The following KCNK1 variants were observed in gnomAD, a reference collection of about 807,000 sequenced individuals.
KCNK1 encodes potassium channel subfamily K member 1.
A neutral mutation model predicts 22.2 loss-of-function variants in KCNK1; 10 were observed. The ratio of observed to expected loss-of-function variants is 0.45; its 90% CI spans 0.28 to 0.76. KCNK1 has a LOEUF of 0.76. Ranked by LOEUF, KCNK1 falls within the 30% of genes least tolerant of loss-of-function variation. The probability of loss-of-function intolerance (pLI) is 0.14; values close to 1 mark genes in which losing one functional copy is unlikely to be tolerated. For synonymous variants in KCNK1, 200 were observed against 186.4 expected, an observed-to-expected ratio of 1.07 and a Z score of -0.60; for missense variants, 378 against 421.0, an observed-to-expected ratio of 0.90 and a Z score of 0.89.
At chr1:233,670,461 AAAAG>A (rs1658577783) in intron 2 of KCNK1, among the ~76,000 whole-genome samples, 1 of 152,330 alleles carries the variant, frequency 6.6e-6, no homozygotes, top group African/African-American at 2.4e-5. Context: ...GACAATTTAC[AAAAG>A]AAAGAGGTTT....
At chr1:233,630,494 C>T (rs1657772118) in intron 1 of KCNK1, 1 of 152,142 alleles carries the variant, frequency 6.6e-6, no homozygotes, top group South Asian at 2.1e-4. Context: ...TTAATATTTT[C>T]ATTTTTGCTC....
intron 1 of KCNK1, among the ~76,000 whole-genome samples, chr1:233,646,662 G>A (rs1298064935): frequency 3.3e-5 from 5 of 152,166 alleles, no homozygotes; most frequent in South Asian, 4.2e-4. Context: ...ATGTGGTGGG[G>A]TCACCAAGAA....
Position 233,661,573 on chromosome 1 carries a change from T to C in KCNK1, c.356-5022T>C, listed in dbSNP as rs141532005. Among the ~76,000 whole-genome samples the C allele has an allele frequency of 2.0e-4, 31 of 152,344 alleles. No individual in the cohort carries two copies. The East Asian group carries it at 5.8e-3, about 28-fold the overall frequency. On this transcript the variant is annotated intron_variant, in intron 1 of 2. Transcript: ENST00000366621. ...TGACCTCTTACCATCTGTGCCTCCTTGGTCGCGTGTATTGACTGTAGCCCA... is the reference window on the plus strand; with the variant it reads ...TGACCTCTTACCATCTGTGCCTCCTCGGTCGCGTGTATTGACTGTAGCCCA...
Position 233,671,398 on chromosome 1 carries a change from C to T in KCNK1, c.879C>T (p.Ile293=). The T allele has an allele frequency of 6.2e-7, 1 of 1,614,166 alleles. No individual in the cohort carries two copies. Among genetic ancestry groups the T allele is most frequent in the Non-Finnish European group, 8.5e-7 (1 of 1,180,028 alleles). ...KKDKDEDQVH[I]IEHDQLSFSS... The stretch of plus-strand genomic sequence containing the variant: ...ACAAGGACGAGGATCAGGTGCACAT[C>T]ATAGAGCATGACCAACTGTCCTTCT... Residue 293 remains isoleucine (I), a synonymous_variant, in exon 3 of 3, where the codon ATC becomes ATT. Transcript: ENST00000366621.
At chr1:233,621,282 G>A (rs188102546) in intron 1 of KCNK1, among the ~76,000 whole-genome samples, 18 of 152,352 alleles carry the variant, frequency 1.2e-4, no homozygotes, top group Admixed American at 1.0e-3. Context: ...GAAGCTTGCA[G>A]ACACATTGAT....
intron 1 of KCNK1, among the ~76,000 whole-genome samples, chr1:233,626,711 T>G (rs536954482): frequency 1.4e-4 from 22 of 152,268 alleles, no homozygotes; most frequent in African/African-American, 5.3e-4. Flanking sequence ...GTTAAATACT[T>G]CCAGGCTAAG....
intron 1 of KCNK1, among the ~76,000 whole-genome samples, 177 bp from the exon 2 acceptor site, chr1:233,666,418 T>A (rs1433404279): frequency 1.3e-5 from 2 of 152,238 alleles, no homozygotes; most frequent in African/African-American, 2.4e-5. Context: ...GTGACCACTG[T>A]TGAATTTTAC....
intron 1 of KCNK1, among the ~76,000 whole-genome samples, chr1:233,632,224 A>G (rs1273695011): frequency 6.6e-6 from 1 of 152,180 alleles, no homozygotes; most frequent in African/African-American, 2.4e-5. Flanking sequence ...GCTTAAGTTA[A>G]TGATTTCTTT....
chr1:233,620,539 A>AC (rs1657564252), intron 1 of KCNK1, among the ~76,000 whole-genome samples: 1 of 152,164 alleles, frequency 6.6e-6, no homozygotes, highest in Non-Finnish European at 1.5e-5. Context: ...GACAGTCTAC[A>AC]CTTCACATTG....
chr1:233,650,589 G>A (rs182084354), intron 1 of KCNK1, among the ~76,000 whole-genome samples: 163 of 152,180 alleles, frequency 1.1e-3, no homozygotes, highest in African/African-American at 3.6e-3. Context: ...TATGTGCAGC[G>A]TCTGTACTAA....
At chr1:233,620,078 A>G (rs919313806) in intron 1 of KCNK1, among the ~76,000 whole-genome samples, 5 of 152,208 alleles carry the variant, frequency 3.3e-5, no homozygotes, top group Admixed American at 1.3e-4. Context: ...AGAAAAAGAA[A>G]AAGAATGTTT....
intron 1 of KCNK1, among the ~76,000 whole-genome samples, chr1:233,662,271 T>TCTTCTTCTTCTTCTC (rs1553267164): frequency 1.6e-4 from 11 of 67,180 alleles, no homozygotes; most frequent in Admixed American, 4.0e-4. Flanking sequence ...TTCTTCTTCT[T>TCTTCTTCTTCTTCTC]CTCCTCCTCC....
At chr1:233,615,943 T>C (rs752768063) in intron 1 of KCNK1, among the ~76,000 whole-genome samples, 47 of 152,212 alleles carry the variant, frequency 3.1e-4, no homozygotes, top group African/African-American at 1.0e-3. Context: ...TTGTGAGATC[T>C]AAAAAACTGT....
chr1:233,667,637 G>A (rs949014859), intron 2 of KCNK1, among the ~76,000 whole-genome samples: 7 of 148,846 alleles, frequency 4.7e-5, no homozygotes, highest in Non-Finnish European at 8.9e-5. Context: ...GGCTGAGGCA[G>A]GAGAATGGCG....
rs1193345677 is a variant in KCNK1 at position 233,653,789 on chromosome 1, G to A, written c.356-12806G>A. ...AGGGACTTGCTGGCTTCCGTAATTGGATAAGCCAATTCCCATAATAAATCT... is the reference window on the plus strand; with the variant it reads ...AGGGACTTGCTGGCTTCCGTAATTGAATAAGCCAATTCCCATAATAAATCT... On this transcript the variant is annotated intron_variant, in intron 1 of 2. Transcript: ENST00000366621. Among the ~76,000 whole-genome samples, 5 of 152,064 alleles carry A rather than the reference G, an allele frequency of 3.3e-5. 1 individual carries two copies. The highest frequency in any genetic ancestry group is 2.6e-4 in the Admixed American group (4 of 15,270).
At chr1:233,658,570 A>G (rs1658339998) in intron 1 of KCNK1, among the ~76,000 whole-genome samples, 2 of 152,248 alleles carry the variant, frequency 1.3e-5, no homozygotes, top group African/African-American at 2.4e-5. Flanking sequence ...ATGAGACTAC[A>G]GTCAAGCGTC....
intron 1 of KCNK1, among the ~76,000 whole-genome samples, chr1:233,620,734 T>G (rs2102881576): frequency 6.6e-6 from 1 of 152,304 alleles, no homozygotes; most frequent in Admixed American, 6.5e-5. Context: ...GAAGTTTTAA[T>G]TATCTGGTTT....
chr1:233,667,790 T>A, intron 2 of KCNK1, among the ~76,000 whole-genome samples: 1 of 150,374 alleles, frequency 6.7e-6, no homozygotes, highest in South Asian at 2.1e-4. Context: ...CAACTGTTAA[T>A]TAAAAAAAAA....
intron 1 of KCNK1, among the ~76,000 whole-genome samples, chr1:233,639,117 G>C (rs1049905021): frequency 3.3e-5 from 5 of 152,188 alleles, no homozygotes; most frequent in African/African-American, 1.2e-4. Flanking sequence ...TATAGGGCTT[G>C]AGTTTTTCAC....
Sources: allele counts gnomAD v4.1 joint callset (sites outside exome capture counted in the v4.1 genomes callset), GRCh38; gene constraint gnomAD v4.1.1; transcripts MANE v1.5; gene names NCBI Gene and HGNC (gene_info 2026-07-23, HGNC 2026-07-21).